The following SS18L1 variants were observed in gnomAD, a reference collection of about 807,000 sequenced individuals.
SS18L1 encodes SS18L1 subunit of BAF chromatin remodeling complex.
A neutral mutation model predicts 70.3 loss-of-function variants in SS18L1; 32 were observed. The observed-to-expected ratio is 0.46, with a 90% CI of 0.34 to 0.61. The LOEUF is 0.61. SS18L1 is among the 20% of genes least tolerant of loss of function. The pLI is 0.01. For synonymous variants in SS18L1, 237 were observed against 229.7 expected (o/e 1.03, Z -0.29); for missense variants, 430 against 542.1 (o/e 0.79, Z 2.05).
At position 62,165,488 on chromosome 20, in the gene SS18L1, A is replaced by T; in HGVS notation, c.890A>T (p.Glu297Val). 1 of 1,612,822 alleles carries T rather than the reference A, an allele frequency of 6.2e-7. No homozygotes were observed. The highest frequency in any genetic ancestry group is 8.5e-7 in the Non-Finnish European group (1 of 1,179,736). The change falls in exon 8 of 11, where the codon GAG becomes GTG. Residue 297 changes from glutamate to valine, a missense_variant. By Grantham distance (121) the Glu-to-Val change is moderately radical. Coordinates refer to ENST00000331758, the MANE Select transcript of SS18L1 (RefSeq NM_198935.3). ...TEQSYDRSFE[E>V]STQHYYEGGN... is the part of the protein sequence containing the mutation. ...CAGAGCTACGACCGGTCCTTCGAGG[A>T]GTCCACGCAGCACTACTATGAGGGG...
chr20:62,175,321 TA>T, intron 10 of SS18L1: 1 of 985,212 alleles, frequency 1.0e-6, no homozygotes, highest in African/African-American at 1.7e-5. Context: ...CAGGTGGGCG[TA>T]GGGGCCTCCA....
At chr20:62,152,084 G>A (rs1364787947) in intron 1 of SS18L1, among the ~76,000 whole-genome samples, 3 of 151,738 alleles carry the variant, frequency 2.0e-5, no homozygotes, top group Admixed American at 1.3e-4. Flanking sequence ...TTCCTCCATC[G>A]GGCCGCCCTT....
At chr20:62,146,904 G>C (rs959319345) in intron 1 of SS18L1, among the ~76,000 whole-genome samples, 2 of 152,128 alleles carry the variant, frequency 1.3e-5, no homozygotes, top group Non-Finnish European at 2.9e-5. Context: ...GGGATTACAG[G>C]CATGAGCCAC....
intron 1 of SS18L1, among the ~76,000 whole-genome samples, chr20:62,148,652 G>A (rs1007703758): frequency 2.0e-5 from 3 of 152,228 alleles, no homozygotes; most frequent in African/African-American, 4.8e-5. Context: ...TGAGGGAGGC[G>A]CTCTGCAAGG....
At chr20:62,168,296 G>A (rs181693118) in intron 8 of SS18L1, among the ~76,000 whole-genome samples, 46 of 152,300 alleles carry the variant, frequency 3.0e-4, no homozygotes, top group African/African-American at 1.1e-3. Flanking sequence ...GACATGAGGA[G>A]TGCACATACA....
intron 8 of SS18L1, among the ~76,000 whole-genome samples, chr20:62,169,841 TGTCCACACC>T (rs113528167): frequency 0.16 from 24,958 of 151,594 alleles, 2,906 homozygotes; most frequent in African/African-American, 0.32. Flanking sequence ...ACTTTATGGC[TGTCCACACC>T]GTCCACACCT....
chr20:62,157,814 C>T (rs1297246494), intron 1 of SS18L1, among the ~76,000 whole-genome samples: 3 of 152,172 alleles, frequency 2.0e-5, no homozygotes, highest in African/African-American at 7.2e-5. Context: ...GGGGTGCCAG[C>T]CCCAGGTCTA....
At chr20:62,152,205 G>A (rs1396332642) in intron 1 of SS18L1, among the ~76,000 whole-genome samples, 3 of 152,120 alleles carry the variant, frequency 2.0e-5, no homozygotes, top group Admixed American at 6.5e-5. Flanking sequence ...GCATGCCCAC[G>A]TCGGTCTTCA....
chr20:62,148,465 G>A (rs538969634), intron 1 of SS18L1, among the ~76,000 whole-genome samples: 212 of 149,302 alleles, frequency 1.4e-3, no homozygotes, highest in African/African-American at 5.0e-3. Flanking sequence ...TCTTAGGTGA[G>A]GGAGGCTTGG....
At position 62,158,756 on chromosome 20, in the gene SS18L1, C is replaced by T. The variant is rs2057269181; in HGVS notation, c.146+8C>T. The T allele has an allele frequency of 5.6e-6, 9 of 1,612,968 alleles. No individual in the cohort carries two copies. Among genetic ancestry groups the T allele is most frequent in the Non-Finnish European group, 7.6e-6 (9 of 1,180,000 alleles). On this transcript the variant is annotated splice_region_variant and intron_variant, in intron 2 of 10. Transcript: ENST00000331758. The surrounding 1 kb of genome is among the most constrained non-coding windows in gnomAD (Gnocchi z 4.5). Reference sequence around the variant, plus strand: ...GACGGCCGAGTGCACGCAGTGAGTGCCCGCCATACACCGGAACACTTGGAG... The same window carrying T: ...GACGGCCGAGTGCACGCAGTGAGTGTCCGCCATACACCGGAACACTTGGAG...
At chr20:62,172,836 C>T (rs763695112) in intron 9 of SS18L1, 35 bp downstream of exon 9, 6 of 1,603,646 alleles carry the variant, frequency 3.7e-6, no homozygotes, top group South Asian at 2.2e-5. Flanking sequence ...GGCCCCCCAG[C>T]GCCCACCCCT....
intron 10 of SS18L1, among the ~76,000 whole-genome samples, chr20:62,178,696 G>A (rs1034577967): frequency 2.6e-5 from 4 of 152,198 alleles, no homozygotes; most frequent in African/African-American, 4.8e-5. Flanking sequence ...ATTGGCACAC[G>A]CCACCACACC....
intron 8 of SS18L1, among the ~76,000 whole-genome samples, chr20:62,168,394 G>A (rs905275416): frequency 2.6e-5 from 4 of 152,270 alleles, no homozygotes; most frequent in Admixed American, 1.3e-4. Flanking sequence ...AGAGATTGGC[G>A]GATGTGTCAT....
chr20:62,168,332 T>G (rs187056199), intron 8 of SS18L1, among the ~76,000 whole-genome samples: 33 of 152,198 alleles, frequency 2.2e-4, no homozygotes, highest in African/African-American at 7.5e-4. Context: ...CTACAGCAGG[T>G]GGTACTGTGA....
At chr20:62,160,189 C>T (rs1286141819) in intron 3 of SS18L1, among the ~76,000 whole-genome samples, 18 of 141,756 alleles carry the variant, frequency 1.3e-4, no homozygotes, top group South Asian at 2.3e-4. Context: ...GTGGCTCAGC[C>T]TCGTTATGTA....
intron 10 of SS18L1, among the ~76,000 whole-genome samples, chr20:62,178,977 C>T (rs746919389): frequency 6.6e-6 from 1 of 152,230 alleles, no homozygotes; most frequent in Non-Finnish European, 1.5e-5. Context: ...TGTGACTGAA[C>T]AAATGAACCT....
At chr20:62,144,692 A>G (rs932441986) in intron 1 of SS18L1, among the ~76,000 whole-genome samples, 4 of 152,228 alleles carry the variant, frequency 2.6e-5, no homozygotes, top group Non-Finnish European at 5.9e-5. Flanking sequence ...TGGGTTTGGG[A>G]CACCGTTATC....
chr20:62,177,814 C>T (rs1337281080), intron 10 of SS18L1, among the ~76,000 whole-genome samples: 2 of 152,114 alleles, frequency 1.3e-5, no homozygotes, highest in African/African-American at 4.8e-5. Context: ...CTCTGCCTCT[C>T]GGGTTCTAGC....
At chr20:62,175,061 C>G in intron 10 of SS18L1, 1 of 722,238 alleles carries the variant, frequency 1.4e-6, no homozygotes, top group Non-Finnish European at 1.7e-6. Context: ...GAGCGGGGGG[C>G]CCCAAATGGA....
Sources: gnomAD v4.1 joint callset for allele counts (sites outside exome capture counted in the v4.1 genomes callset) on GRCh38, gnomAD v4.1.1 for gene constraint, Gnocchi (gnomAD v3.1) non-coding constraint, MANE v1.5 for transcripts, NCBI Gene and HGNC (gene_info 2026-07-23, HGNC 2026-07-21) for gene names.